NCALD: variants seen among roughly 807,000 people sequenced by gnomAD.
NCALD encodes neurocalcin-delta.
NCALD carries 10 observed loss-of-function variants against 18.6 expected under a neutral mutation model. That is an observed-to-expected ratio of 0.54 (90% CI 0.33 to 0.91). The LOEUF (loss-of-function observed/expected upper bound fraction) is 0.91, where lower values mean the gene tolerates loss of function less well. NCALD is among the 40% of genes least tolerant of loss of function. NCALD has a pLI of 0.03. For synonymous variants in NCALD, 88 were observed against 87.4 expected (o/e 1.01, Z -0.04); for missense variants, 184 against 247.6 (o/e 0.74, Z 1.72).
chr8:101,736,546 T>C (rs1257295744), intron 1 of NCALD, among the ~76,000 whole-genome samples: 1 of 152,196 alleles, frequency 6.6e-6, no homozygotes, highest in East Asian at 1.9e-4. Context: ...CTCAGAGTGT[T>C]GTCTTAAGGG....
intron 1 of NCALD, among the ~76,000 whole-genome samples, chr8:102,042,535 C>A (rs981077743): frequency 6.6e-6 from 1 of 151,858 alleles, no homozygotes; most frequent in African/African-American, 2.4e-5. Flanking sequence ...TTTCTGAGTG[C>A]AGAGGATGCC....
At chr8:101,843,298 G>A (rs902798396) in intron 4 of NCALD, among the ~76,000 whole-genome samples, 6 of 152,154 alleles carry the variant, frequency 3.9e-5, no homozygotes, top group Non-Finnish European at 8.8e-5. Flanking sequence ...GATTTGCTGT[G>A]GGAACTTCTC....
chr8:101,833,569 TC>T (rs1429391753), intron 4 of NCALD, among the ~76,000 whole-genome samples: 1 of 151,810 alleles, frequency 6.6e-6, no homozygotes, highest in African/African-American at 2.4e-5. Flanking sequence ...TACCTTTTTT[TC>T]CATGAGCAAT....
chr8:101,853,316 T>C (rs1486455378), intron 4 of NCALD, among the ~76,000 whole-genome samples: 1 of 152,178 alleles, frequency 6.6e-6, no homozygotes, highest in Non-Finnish European at 1.5e-5. Context: ...ACCTTCTTGA[T>C]GGCAGATCTA....
intron 1 of NCALD, among the ~76,000 whole-genome samples, chr8:102,050,031 G>A (rs893408252): frequency 4.0e-5 from 6 of 149,506 alleles, no homozygotes; most frequent in African/African-American, 9.8e-5. Flanking sequence ...GCGCGGTGGC[G>A]GGCGCCTGTA....
In NCALD at chr8:101,686,849, A is replaced by C. The variant is rs1040381495; in HGVS notation, c.*2460T>G. ...TCCCTGAACACAGCAATGACAATGAACAGCCCAGCAGAGGAGTGACATAAA... is the reference window on the plus strand; with the variant it reads ...TCCCTGAACACAGCAATGACAATGACCAGCCCAGCAGAGGAGTGACATAAA... On this transcript the variant is annotated 3_prime_UTR_variant, in exon 4 of 4. Coordinates refer to ENST00000220931, the MANE Select transcript of NCALD (RefSeq NM_032041.3). 4 of 152,620 alleles carry C rather than the reference A, an allele frequency of 2.6e-5. No homozygotes were observed. The highest frequency in any genetic ancestry group is 9.7e-5 in the African/African-American group (4 of 41,410). 9.5% of individuals were successfully genotyped at this position (152,620 alleles called of 1,614,324 possible).
intron 1 of NCALD, among the ~76,000 whole-genome samples, chr8:102,077,701 C>G (rs1657738695): frequency 6.6e-6 from 1 of 152,100 alleles, no homozygotes; most frequent in Non-Finnish European, 1.5e-5. Context: ...ACTGATTGGG[C>G]CAAGGACAGA....
intron 3 of NCALD, chr8:101,690,565 G>A: frequency 1.0e-6 from 1 of 985,388 alleles, no homozygotes; most frequent in South Asian, 4.7e-5. Flanking sequence ...AACCTGACAG[G>A]AGGGGGCCTC....
At chr8:101,850,912 C>T (rs1008434783) in intron 4 of NCALD, among the ~76,000 whole-genome samples, 1 of 152,108 alleles carries the variant, frequency 6.6e-6, no homozygotes, top group African/African-American at 2.4e-5. Context: ...CCAGTTGGAT[C>T]CAGCAGGGTG....
In NCALD at chr8:102,074,469, A is replaced by G. The variant is rs186424902; in HGVS notation, c.-210+49768T>C. ...AGTCTTTATCTCAGAAGTTCCTGAC[A>G]TTGGTGTGACAGCTGATTCTGAACC... is the stretch of plus-strand genomic sequence containing the variant. On this transcript the variant is annotated intron_variant, in intron 1 of 6. Coordinates refer to the NCALD transcript ENST00000311028. Among the ~76,000 whole-genome samples the G allele has an allele frequency of 2.6e-5, 4 of 152,270 alleles. No individual in the cohort carries two copies. The East Asian group carries it at 5.8e-4, about 22-fold the overall frequency.
intron 1 of NCALD, among the ~76,000 whole-genome samples, chr8:102,114,151 T>C (rs551922878): frequency 2.6e-5 from 4 of 152,368 alleles, no homozygotes; most frequent in African/African-American, 9.6e-5. Flanking sequence ...ATGGATGAGA[T>C]GACTTCCCCA....
chr8:101,697,529 C>T (rs559805852), intron 2 of NCALD, among the ~76,000 whole-genome samples: 2 of 152,196 alleles, frequency 1.3e-5, no homozygotes, highest in African/African-American at 2.4e-5. Context: ...TGAAGAACAT[C>T]GATGGAAGAA....
chr8:102,007,082 C>G (rs895804195), intron 2 of NCALD, among the ~76,000 whole-genome samples: 3 of 152,076 alleles, frequency 2.0e-5, no homozygotes, highest in Non-Finnish European at 4.4e-5. Context: ...AAAAAACTAT[C>G]GCAGATCCAA....
upstream of NCALD, among the ~76,000 whole-genome samples, chr8:101,795,064 G>A (rs531930607): frequency 1.3e-5 from 2 of 152,274 alleles, no homozygotes; most frequent in South Asian, 2.1e-4. Context: ...TAGAGAAAAT[G>A]TCCTGAATAC....
At chr8:101,969,344 GTGGGTTTCT>G (rs1205347036) in intron 2 of NCALD, among the ~76,000 whole-genome samples, 1 of 152,154 alleles carries the variant, frequency 6.6e-6, no homozygotes, top group Non-Finnish European at 1.5e-5. Context: ...AGAAATCTGA[GTGGGTTTCT>G]ATTATTCAAG....
At chr8:101,700,442 A>T (rs1815207589) in intron 2 of NCALD, among the ~76,000 whole-genome samples, 1 of 152,098 alleles carries the variant, frequency 6.6e-6, no homozygotes, top group Non-Finnish European at 1.5e-5. Context: ...TTTTTCAATG[A>T]TCCCCATTTA....
At position 102,061,459 on chromosome 8, in the gene NCALD, G is replaced by C. The variant is rs928106278; in HGVS notation, c.-209-41170C>G. ...CAGATTATTTTTCAAACCGCCTGCT[G>C]TTTGTTACTGCCTACCCAGCACTGG... On this transcript the variant is annotated intron_variant, in intron 1 of 6. Transcript: ENST00000311028. Among the ~76,000 whole-genome samples, 3 of 152,102 alleles carry C rather than the reference G, an allele frequency of 2.0e-5. No homozygotes were observed. In the East Asian group the frequency reaches 5.8e-4, roughly 29 times the overall value.
At chr8:101,763,524 T>C (rs1407232156) in intron 1 of NCALD, among the ~76,000 whole-genome samples, 1 of 152,174 alleles carries the variant, frequency 6.6e-6, no homozygotes, top group Non-Finnish European at 1.5e-5. Context: ...TGATCGTTCA[T>C]CTTATGTGTC....
At chr8:101,872,132 TC>T in intron 4 of NCALD, 1 of 1,605,626 alleles carries the variant, frequency 6.2e-7, no homozygotes, top group South Asian at 1.1e-5. Flanking sequence ...TCAGGAAACT[TC>T]CTGGCAAGTC....
Sources: allele counts gnomAD v4.1 joint callset (sites outside exome capture counted in the v4.1 genomes callset), GRCh38; gene constraint gnomAD v4.1.1; transcripts MANE v1.5; gene names NCBI Gene and HGNC (gene_info 2026-07-23, HGNC 2026-07-21).